Variants in NFE2L3 observed in about 807,000 individuals in gnomAD.
NFE2L3 encodes NFE2 like bZIP transcription factor 3.
In NFE2L3, 18 loss-of-function variants were observed where a neutral mutation model predicts 23.5. The ratio of observed to expected loss-of-function variants is 0.77; its 90% CI spans 0.53 to 1.13. NFE2L3 has a LOEUF of 1.13. NFE2L3 is among the 50% of genes most tolerant of loss of function. The probability of loss-of-function intolerance (pLI) is 0.00; values close to 1 mark genes in which losing one functional copy is unlikely to be tolerated. For missense variants in NFE2L3, 1,152 were observed against 877.2 expected, an observed-to-expected ratio of 1.31 and a Z score of -3.96; for synonymous variants, 424 against 354.5, an observed-to-expected ratio of 1.20 and a Z score of -2.20.
At chr7:26,168,496 C>T (rs1784284137) in intron 1 of NFE2L3, among the ~76,000 whole-genome samples, 1 of 148,074 alleles carries the variant, frequency 6.8e-6, no homozygotes, top group Non-Finnish European at 1.5e-5. Context: ...GAGTAGTATT[C>T]CATCATATAT....
Position 26,186,471 on chromosome 7 carries a change from CT to C in NFE2L3, c.*689del, listed in dbSNP as rs994045521. 2.6e-5 allele frequency: 4 copies of C among 151,078 alleles called. No homozygotes were observed. Among genetic ancestry groups the C allele is most frequent in the African/African-American group, 7.3e-5 (3 of 41,244 alleles). The allele number at this position is 151,078 out of a possible 1,614,324, so 9.4% of individuals were successfully genotyped here. ...TCCATAGTAAGGCAAATCCACCCCC[CT>C]ACCCCAATACTTAACACACAGAATA... On this transcript the variant is annotated 3_prime_UTR_variant, in exon 4 of 4. Transcript: ENST00000056233.
At chr7:26,175,621 C>G (rs190759498) in intron 1 of NFE2L3, among the ~76,000 whole-genome samples, 1 of 151,042 alleles carries the variant, frequency 6.6e-6, no homozygotes, top group African/African-American at 2.4e-5. Flanking sequence ...ACTAAAAATA[C>G]AACAAAAATT....
Position 26,177,991 on chromosome 7 carries a change from C to A in NFE2L3, c.619C>A (p.Gln207Lys), listed in dbSNP as rs1333185141. The A allele has an allele frequency of 6.2e-7, 1 of 1,613,892 alleles. No homozygotes were observed. Among genetic ancestry groups the A allele is most frequent in the African/African-American group, 1.3e-5 (1 of 74,886 alleles). Reference protein sequence around the residue: ...EKHEAVDHSSQHEENEERVSA... With the variant: ...EKHEAVDHSSKHEENEERVSA... Reference sequence around the variant, plus strand: ...GCACGAAGCTGTGGATCATAGTTCCCAGCATGAGGAAAATGAAGAAAGGGT... The same window carrying A: ...GCACGAAGCTGTGGATCATAGTTCCAAGCATGAGGAAAATGAAGAAAGGGT... Residue 207 changes from glutamine to lysine, a missense_variant, in exon 2 of 4, where the codon CAG becomes AAG. By Grantham distance (53) the Gln-to-Lys change is moderately conservative. Coordinates refer to ENST00000056233, the MANE Select transcript of NFE2L3 (RefSeq NM_004289.7).
rs1782409248 is a variant in NFE2L3, at chr7:26,184,058, A to C, written c.834+274A>C. On this transcript the variant is annotated intron_variant, in intron 3 of 3. Transcript: ENST00000056233. ...TCAGGTATTTATCCAAAGGAAAGGA[A>C]ATCAGTGTATCAAAGGGACACCTGC... 3 of 463,526 alleles carry C rather than the reference A, an allele frequency of 6.5e-6. No individual in the cohort carries two copies. The East Asian group carries it at 1.2e-4, about 18-fold the overall frequency. 28.7% of individuals were successfully genotyped at this position (463,526 alleles called of 1,614,324 possible). A position where few individuals can be genotyped will look rare whatever the true frequency, so the allele number is the denominator to read the frequency against.
In NFE2L3 at chr7:26,178,090, G is replaced by C; in HGVS notation, c.718G>C (p.Glu240Gln). The stretch of plus-strand genomic sequence containing the variant: ...CAAAATAGCAGAGAAACCTGACTGG[G>C]AGGCAGAAAAGACCACTGAATCTAG... Reference protein sequence around the residue: ...ENKIAEKPDWEAEKTTESRNE... With the variant: ...ENKIAEKPDWQAEKTTESRNE... Residue 240 changes from glutamate (E) to glutamine (Q), a missense_variant, in exon 2 of 4, where the codon GAG becomes CAG. Transcript: ENST00000056233. 1 of 1,613,846 alleles carries C rather than the reference G, an allele frequency of 6.2e-7. No homozygotes were observed. The highest frequency in any genetic ancestry group is 8.5e-7 in the Non-Finnish European group (1 of 1,179,912).
At position 26,187,050 on chromosome 7, in the gene NFE2L3, T is replaced by G. The variant is rs1782505442; in HGVS notation, c.*1267T>G. The G allele has an allele frequency of 6.6e-6, 1 of 152,210 alleles. No homozygotes were observed. Among genetic ancestry groups the G allele is most frequent in the South Asian group, 2.1e-4 (1 of 4,826 alleles). 9.4% of individuals were successfully genotyped at this position (152,210 alleles called of 1,614,324 possible). On this transcript the variant is annotated 3_prime_UTR_variant, in exon 4 of 4. Transcript: ENST00000056233. ...AGGAGCTACAGTGTAGAGTATCACA[T>G]AAGTATCTTGGGCTAGAGAAATGCA...
intron 2 of NFE2L3, among the ~76,000 whole-genome samples, chr7:26,179,872 CTT>C (rs1435387260): frequency 6.6e-6 from 1 of 152,106 alleles, no homozygotes; most frequent in Non-Finnish European, 1.5e-5. Context: ...TTATACAACT[CTT>C]TGTCACGTGG....
At chr7:26,175,500 G>A (rs756644516) in intron 1 of NFE2L3, among the ~76,000 whole-genome samples, 7 of 152,054 alleles carry the variant, frequency 4.6e-5, no homozygotes, top group Non-Finnish European at 8.8e-5. Flanking sequence ...AGTTTCCGCC[G>A]GGTGCGGTGG....
At chr7:26,170,788 G>A (rs563678241) in intron 1 of NFE2L3, among the ~76,000 whole-genome samples, 1 of 152,296 alleles carries the variant, frequency 6.6e-6, no homozygotes, top group Admixed American at 6.5e-5. Context: ...ACCCTGACTC[G>A]CTCTTGGCCT....
intron 1 of NFE2L3, among the ~76,000 whole-genome samples, chr7:26,169,489 G>T (rs888742978): frequency 1.3e-5 from 2 of 152,194 alleles, no homozygotes; most frequent in Admixed American, 6.5e-5. Flanking sequence ...TGTGACCTTA[G>T]GGGAGGCGAC....
intron 1 of NFE2L3, among the ~76,000 whole-genome samples, chr7:26,164,479 C>T (rs1784217635): frequency 1.3e-5 from 2 of 152,264 alleles, no homozygotes; most frequent in South Asian, 4.1e-4. Flanking sequence ...CTGTTCATAT[C>T]CTTTGCCCGC....
At chr7:26,167,139 C>G (rs1249942742) in intron 1 of NFE2L3, among the ~76,000 whole-genome samples, 2 of 152,176 alleles carry the variant, frequency 1.3e-5, no homozygotes, top group Non-Finnish European at 2.9e-5. Flanking sequence ...ATTCAGAAAA[C>G]CTTTGCGCAA....
rs1424987221 is a variant in NFE2L3 at position 26,172,612 on chromosome 7, T to C, written c.571-5331T>C. On this transcript the variant is annotated intron_variant, in intron 1 of 3. Coordinates refer to ENST00000056233, the MANE Select transcript of NFE2L3 (RefSeq NM_004289.7). ...GGAAACACTCCTCTCTCAGTGTTTC[T>C]TCACCTTTAGATTGTTGAAGGGCAT... Among the ~76,000 whole-genome samples the C allele has an allele frequency of 3.3e-5, 5 of 152,240 alleles. No individual in the cohort carries two copies. In the East Asian group the frequency reaches 7.7e-4, roughly 23 times the overall value.
intron 2 of NFE2L3, among the ~76,000 whole-genome samples, chr7:26,182,774 TGGAG>T (rs771097659): frequency 1.9e-4 from 29 of 151,882 alleles, no homozygotes; most frequent in Non-Finnish European, 4.1e-4. Flanking sequence ...AAAAACAAAT[TGGAG>T]TAAATGTAAA....
At chr7:26,171,373 GT>G (rs1784325549) in intron 1 of NFE2L3, among the ~76,000 whole-genome samples, 1 of 151,972 alleles carries the variant, frequency 6.6e-6, no homozygotes, top group African/African-American at 2.4e-5. Context: ...GTGAAACCTC[GT>G]TTCTACTAAA....
intron 1 of NFE2L3, among the ~76,000 whole-genome samples, chr7:26,154,336 C>A (rs1027313711): frequency 5.9e-5 from 9 of 152,184 alleles, no homozygotes; most frequent in Admixed American, 5.2e-4. Context: ...TAAGTGAGTA[C>A]TTGTGCACTA....
chr7:26,155,655 C>T (rs1205048225), intron 1 of NFE2L3, among the ~76,000 whole-genome samples: 1 of 152,070 alleles, frequency 6.6e-6, no homozygotes, highest in Non-Finnish European at 1.5e-5. Flanking sequence ...CTTCCACTGC[C>T]CAGGCTAATC....
At position 26,178,116 on chromosome 7, in the gene NFE2L3, A is replaced by C; in HGVS notation, c.744A>C (p.Arg248Ser). ...DWEAEKTTES[R>S]NERHLNGTDT... ...AGGCAGAAAAGACCACTGAATCTAG[A>C]AATGAGGTAAGCCTGTCAGAATATT... The change falls in exon 2 of 4, where the codon AGA becomes AGC. Residue 248 changes from arginine to serine, a missense_variant. Arg to Ser is a moderately radical substitution (Grantham distance 110). Coordinates refer to ENST00000056233, the MANE Select transcript of NFE2L3 (RefSeq NM_004289.7). 2.5e-6 allele frequency: 4 copies of C among 1,612,542 alleles called. No homozygotes were observed. Among genetic ancestry groups the C allele is most frequent in the Non-Finnish European group, 3.4e-6 (4 of 1,179,448 alleles).
chr7:26,183,837 T>C (rs756380798), intron 3 of NFE2L3, 53 bp downstream of exon 3: 2 of 1,150,218 alleles, frequency 1.7e-6, no homozygotes, highest in South Asian at 2.5e-5. Context: ...CACTGACCTT[T>C]TGGTGAACAA....
Sources: gnomAD v4.1 joint callset for allele counts (sites outside exome capture counted in the v4.1 genomes callset) on GRCh38, gnomAD v4.1.1 for gene constraint, MANE v1.5 for transcripts, NCBI Gene and HGNC (gene_info 2026-07-23, HGNC 2026-07-21) for gene names.